The following NPAS2 variants were observed in gnomAD, a reference collection of about 807,000 sequenced individuals.
The protein encoded by NPAS2 is neuronal PAS domain protein 2, also known as neuronal PAS domain-containing protein 2.
NPAS2 carries 23 observed loss-of-function variants against 107.5 expected under a neutral mutation model. The ratio of observed to expected loss-of-function variants is 0.21; its 90% confidence interval spans 0.15 to 0.30. The LOEUF is 0.30. Among genes scored for constraint, NPAS2 ranks in the 10% least tolerant of loss-of-function variants. NPAS2 has a pLI of 1.00. For missense variants in NPAS2, 756 were observed against 1,043.3 expected (o/e 0.72, Z 3.79); for synonymous variants, 403 against 417.5 (o/e 0.97, Z 0.42).
intron 14 of NPAS2, chr2:100,977,047 A>T (rs1173746827): frequency 1.3e-5 from 2 of 152,116 alleles, no homozygotes; most frequent in Non-Finnish European, 2.9e-5. Context: ...TTAAAAAAAA[A>T]AAAAACCACT....
In NPAS2 at chr2:100,959,108, A is replaced by AC. The variant is rs1239627483; in HGVS notation, c.599-4950_599-4949insC. 3.4e-4 allele frequency among the ~76,000 whole-genome samples: 15 copies of AC among 43,512 alleles called. No homozygotes were observed. In the South Asian group the frequency reaches 4.3e-3, roughly 13 times the overall value. The allele number at this position is 43,512 out of a possible 152,430, so 28.5% of individuals were successfully genotyped here. On this transcript the variant is annotated intron_variant, in intron 7 of 20. Transcript: ENST00000335681. ...TCTCTTCAAAAAAAAAAAAAAAAAA[A>AC]ACAAAACTAAAATTAGCCAGGCATG...
At chr2:100,926,705 T>A (rs1336883283) in intron 3 of NPAS2, among the ~76,000 whole-genome samples, 1 of 152,172 alleles carries the variant, frequency 6.6e-6, no homozygotes, top group Non-Finnish European at 1.5e-5. Flanking sequence ...TTATCTGGTA[T>A]AGAATTCGAA....
chr2:100,911,097 C>T (rs1022385202), intron 2 of NPAS2, among the ~76,000 whole-genome samples: 1 of 152,212 alleles, frequency 6.6e-6, no homozygotes, highest in Non-Finnish European at 1.5e-5. Flanking sequence ...TTTACTGTTT[C>T]TCCCTTGTGG....
chr2:100,991,575 AC>A (rs1678132863), intron 19 of NPAS2, among the ~76,000 whole-genome samples: 1 of 152,014 alleles, frequency 6.6e-6, no homozygotes, highest in African/African-American at 2.4e-5. Flanking sequence ...CCTCGCAGGC[AC>A]CCCCAGGCCC....
intron 16 of NPAS2, chr2:100,986,222 C>T (rs911097606): frequency 6.6e-6 from 1 of 152,082 alleles, no homozygotes; most frequent in Non-Finnish European, 1.5e-5. Context: ...GGGGAGGTCC[C>T]GTGGGATGGT....
intron 1 of NPAS2, among the ~76,000 whole-genome samples, chr2:100,821,466 A>G (rs1462325607): frequency 6.6e-6 from 1 of 152,202 alleles, no homozygotes; most frequent in Non-Finnish European, 1.5e-5. Context: ...GTTTTCCTAC[A>G]GGTAAAACAT....
chr2:100,843,548 A>G (rs1318806782), intron 1 of NPAS2, among the ~76,000 whole-genome samples: 1 of 152,156 alleles, frequency 6.6e-6, no homozygotes, highest in Non-Finnish European at 1.5e-5. Context: ...AGTTTTCAGT[A>G]TGTTTTGAGA....
intron 1 of NPAS2, among the ~76,000 whole-genome samples, chr2:100,851,611 A>T (rs1234414440): frequency 6.6e-6 from 1 of 152,238 alleles, no homozygotes; most frequent in East Asian, 1.9e-4. Flanking sequence ...CCAGAAACAC[A>T]TGCAGCTATG....
At chr2:100,923,447 C>T (rs954160837) in intron 2 of NPAS2, among the ~76,000 whole-genome samples, 2 of 152,260 alleles carry the variant, frequency 1.3e-5, no homozygotes, top group South Asian at 4.1e-4. Flanking sequence ...GGTTATGGTC[C>T]TCGTGATGTC....
At position 100,912,252 on chromosome 2, in the gene NPAS2, AT is replaced by A. The variant is rs34511218; in HGVS notation, c.32+7469del. ...TATTTATTTATTTATTTATTTATTT[AT>A]TTATTATTATTATTTTGCTCAGTTT... On this transcript the variant is annotated intron_variant, in intron 2 of 20. Transcript: ENST00000335681. 8.4e-3 allele frequency among the ~76,000 whole-genome samples: 702 copies of A among 83,870 alleles called. 7 individuals are homozygous for A. The highest frequency in any genetic ancestry group is 0.025 in the African/African-American group (390 of 15,558). 55.0% of individuals were successfully genotyped at this position (83,870 alleles called of 152,430 possible).
intron 1 of NPAS2, among the ~76,000 whole-genome samples, chr2:100,860,985 G>A (rs1286254507): frequency 6.6e-6 from 1 of 151,826 alleles, no homozygotes; most frequent in Non-Finnish European, 1.5e-5. Flanking sequence ...GGGCTCAAGC[G>A]ATCCTCTCAC....
intron 3 of NPAS2, among the ~76,000 whole-genome samples, chr2:100,932,183 T>C (rs537529005): frequency 6.6e-6 from 1 of 152,360 alleles, no homozygotes; most frequent in African/African-American, 2.4e-5. Context: ...AATTATCTTA[T>C]CAGAAATAAT....
chr2:100,877,864 G>C (rs1036416082), intron 1 of NPAS2: 51 of 621,786 alleles, frequency 8.2e-5, no homozygotes, highest in Non-Finnish European at 1.0e-4. Context: ...ATACTGCCTT[G>C]TAAGAATGCC....
intron 1 of NPAS2, among the ~76,000 whole-genome samples, chr2:100,897,157 AAC>A (rs1439471471): frequency 2.6e-5 from 4 of 152,172 alleles, no homozygotes; most frequent in African/African-American, 9.7e-5. Context: ...GCATGAGGGT[AAC>A]TGCCCCCATG....
intron 15 of NPAS2, among the ~76,000 whole-genome samples, chr2:100,981,259 A>T (rs116157133): frequency 0.012 from 1,756 of 152,152 alleles, 17 homozygotes; most frequent in Non-Finnish European, 0.017. Context: ...CAGACTAGGG[A>T]GATTGTTGGG....
chr2:100,975,382 G>T (rs17025128), intron 13 of NPAS2, 76 bp from the exon 14 acceptor site: 32,851 of 1,299,484 alleles, frequency 0.025, 533 homozygotes, highest in Non-Finnish European at 0.03. Flanking sequence ...TGCACACCAC[G>T]GTCATGGGTC....
chr2:100,993,555 G>A (rs758209275), intron 20 of NPAS2, 28 bp downstream of exon 20: 45 of 1,482,914 alleles, frequency 3.0e-5, no homozygotes, highest in African/African-American at 4.2e-5. Context: ...GGGGGCCCCC[G>A]TGCAGGCCTG....
At chr2:100,884,397 A>G (rs1054489821) in intron 1 of NPAS2, among the ~76,000 whole-genome samples, 6 of 152,230 alleles carry the variant, frequency 3.9e-5, no homozygotes, top group African/African-American at 1.2e-4. Context: ...GATAAGAGAC[A>G]GTAGATAAAG....
At chr2:100,848,826 G>C (rs1463377555) in intron 1 of NPAS2, among the ~76,000 whole-genome samples, 2 of 152,226 alleles carry the variant, frequency 1.3e-5, no homozygotes, top group African/African-American at 4.8e-5. Context: ...ATTTTAGGCT[G>C]TACACTGGTT....
Sources: gnomAD v4.1 joint callset for allele counts (sites outside exome capture counted in the v4.1 genomes callset) on GRCh38, gnomAD v4.1.1 for gene constraint, MANE v1.5 for transcripts, NCBI Gene and HGNC (gene_info 2026-07-23, HGNC 2026-07-21) for gene names.